The following MEI1 variants were observed in gnomAD, a reference collection of about 807,000 sequenced individuals.
MEI1 encodes the protein meiosis inhibitor protein 1.
In MEI1, 103 loss-of-function variants were observed where a neutral mutation model predicts 146.2. The ratio of observed to expected loss-of-function variants is 0.70; its 90% CI spans 0.60 to 0.83. MEI1 has a LOEUF of 0.83. Ranked by LOEUF, MEI1 falls within the 40% of genes least tolerant of loss-of-function variation. The pLI, the probability that MEI1 is intolerant of heterozygous loss-of-function variation, is 0.00. For synonymous variants in MEI1, 652 were observed against 628.2 expected (o/e 1.04, Z -0.57); for missense variants, 1,529 against 1,533.0 (o/e 1.00, Z 0.04).
chr22:41,702,908 T>C (rs1260705931), intron 1 of MEI1, among the ~76,000 whole-genome samples: 1 of 151,790 alleles, frequency 6.6e-6, no homozygotes, highest in Non-Finnish European at 1.5e-5. Context: ...TTAGTTGAGA[T>C]AGAGTTGCAC....
intron 26 of MEI1, among the ~76,000 whole-genome samples, chr22:41,787,870 C>T (rs1014911823): frequency 6.6e-6 from 1 of 152,158 alleles, no homozygotes; most frequent in African/African-American, 2.4e-5. Flanking sequence ...CATCTAATAC[C>T]AAAATGACCT....
Position 41,763,250 on chromosome 22 carries a change from C to A in MEI1, c.2197C>A (p.Pro733Thr). Reference sequence around the variant, plus strand: ...GCTGCAGGACCAGGGCGAGCGCCCCCCACTGGTGGTCTTCAAAGCCTCCAT... The same window carrying A: ...GCTGCAGGACCAGGGCGAGCGCCCCACACTGGTGGTCTTCAAAGCCTCCAT... ...LSLQDQGERP[P>T]LVVFKASIYL... The change falls in exon 19 of 31, where the codon CCA (proline) becomes ACA (threonine). Residue 733 changes from proline to threonine, a missense_variant. By Grantham distance (38) the Pro-to-Thr change is conservative. Transcript: ENST00000401548. The A allele has an allele frequency of 5.0e-6, 8 of 1,613,926 alleles. No individual in the cohort carries two copies. Among genetic ancestry groups the A allele is most frequent in the Non-Finnish European group, 6.8e-6 (8 of 1,179,836 alleles).
chr22:41,743,661 G>T (rs76198486), intron 12 of MEI1, among the ~76,000 whole-genome samples: 2 of 152,212 alleles, frequency 1.3e-5, no homozygotes, highest in African/African-American at 4.8e-5. Flanking sequence ...GACACTGTCA[G>T]TGTGAATGTT....
At chr22:41,777,555 T>G (rs1315582293) in intron 21 of MEI1, among the ~76,000 whole-genome samples, 1 of 151,942 alleles carries the variant, frequency 6.6e-6, no homozygotes, top group East Asian at 1.9e-4. Context: ...AGGAGATGAG[T>G]TATTTCTTTT....
chr22:41,775,899 T>C, intron 20 of MEI1: 1 of 512,820 alleles, frequency 1.9e-6, no homozygotes, highest in South Asian at 2.2e-5. Flanking sequence ...CGGCCTAGGA[T>C]GGACCTATTC....
chr22:41,758,440 TC>T lies in MEI1; in HGVS notation c.2029del (p.Leu677CysfsTer90). ...AGCAGGAGCCCTGAAAGCCTTGCCT[TC>T]CTGTCTGATCGCCAGTACATGGAGG... ...ISSRSPESLA[F>X]LSDRQYMEGA... On this transcript the variant is annotated frameshift_variant, in exon 18 of 31. Transcript: ENST00000401548. LOFTEE classifies it high-confidence loss of function. 1 of 1,613,950 alleles carries T rather than the reference TC, an allele frequency of 6.2e-7. No homozygotes were observed. Among genetic ancestry groups the T allele is most frequent in the Non-Finnish European group, 8.5e-7 (1 of 1,179,868 alleles).
In MEI1 at chr22:41,773,050, C is replaced by T. The variant is rs547127468; in HGVS notation, c.2544+2089C>T. ...TAAATATTAAAAGAAGCAAACCAAA[C>T]AGAAATTGAATCTCAGGAGACCAAA... On this transcript the variant is annotated intron_variant, in intron 20 of 30. Coordinates refer to ENST00000401548, the MANE Select transcript of MEI1 (RefSeq NM_152513.4). 1.7e-3 allele frequency among the ~76,000 whole-genome samples: 258 copies of T among 152,326 alleles called. 4 individuals are homozygous for T. In the South Asian group the frequency reaches 0.052, roughly 31 times the overall value.
chr22:41,732,196 G>A, intron 9 of MEI1, 49 bp from the exon 10 acceptor site: 1 of 1,461,236 alleles, frequency 6.8e-7, no homozygotes, highest in Non-Finnish European at 9.4e-7. Context: ...GGCAGTGAAG[G>A]AACAAGAGAG....
At chr22:41,743,970 G>A (rs575582360) in intron 12 of MEI1, among the ~76,000 whole-genome samples, 32 of 152,044 alleles carry the variant, frequency 2.1e-4, no homozygotes, top group South Asian at 2.1e-3. Flanking sequence ...TCCGCCTCCC[G>A]GGTTCCAGTG....
In MEI1 at chr22:41,788,955, A is replaced by G. The variant is rs186586315; in HGVS notation, c.3345+4172A>G. On this transcript the variant is annotated intron_variant, in intron 26 of 30. Transcript: ENST00000401548. Reference sequence around the variant, plus strand: ...GAGCTTAAGTGATCCTCCCATCTCAACCTCCTGAATAGCTGGGACTACGGG... The same window carrying G: ...GAGCTTAAGTGATCCTCCCATCTCAGCCTCCTGAATAGCTGGGACTACGGG... Among the ~76,000 whole-genome samples, 575 of 150,858 alleles carry G rather than the reference A, an allele frequency of 3.8e-3. 6 individuals are homozygous for G. Among genetic ancestry groups the G allele is most frequent in the African/African-American group, 0.013 (547 of 41,036 alleles).
chr22:41,732,437 C>T (rs1192430732), intron 10 of MEI1, 32 bp from the exon 11 acceptor site: 2 of 1,613,544 alleles, frequency 1.2e-6, no homozygotes, highest in South Asian at 1.1e-5. Context: ...GAGAAGAGTT[C>T]ACCTACTCGT....
chr22:41,716,233 C>A, intron 5 of MEI1, 87 bp downstream of exon 5: 1 of 872,658 alleles, frequency 1.1e-6, no homozygotes, highest in Non-Finnish European at 1.8e-6. Flanking sequence ...CTCTGTACAC[C>A]TGGGAAGTCA....
At chr22:41,723,844 G>A in intron 6 of MEI1, 99 bp from the exon 7 acceptor site, 1 of 1,371,452 alleles carries the variant, frequency 7.3e-7, no homozygotes, top group Non-Finnish European at 9.9e-7. Context: ...TTTGTAGAGG[G>A]ATGAAGAAGT....
chr22:41,709,367 GC>G, intron 3 of MEI1: 1 of 730,140 alleles, frequency 1.4e-6, no homozygotes, highest in Non-Finnish European at 2.5e-6. Flanking sequence ...GCCTTTTTAG[GC>G]TTGGGCTCTG....
At chr22:41,773,193 G>A (rs765267135) in intron 20 of MEI1, among the ~76,000 whole-genome samples, 2 of 152,176 alleles carry the variant, frequency 1.3e-5, no homozygotes, top group African/African-American at 2.4e-5. Context: ...TGGAGGTGGT[G>A]GAGGTCAGGG....
chr22:41,713,785 T>C (rs111747404), intron 3 of MEI1, among the ~76,000 whole-genome samples: 28 of 152,302 alleles, frequency 1.8e-4, no homozygotes, highest in Admixed American at 3.9e-4. Context: ...TCACCTCAGG[T>C]GATCCGCCTG....
chr22:41,754,202 C>T (rs1409243045), intron 17 of MEI1, among the ~76,000 whole-genome samples, 156 bp downstream of exon 17: 1 of 152,082 alleles, frequency 6.6e-6, no homozygotes, highest in Non-Finnish European at 1.5e-5. Flanking sequence ...TAGGTTGATT[C>T]CTAGGGATAT....
intron 2 of MEI1, among the ~76,000 whole-genome samples, chr22:41,703,750 G>GA (rs2068880492): frequency 1.3e-5 from 2 of 152,286 alleles, no homozygotes; most frequent in South Asian, 4.1e-4. Flanking sequence ...TTGGGAGGCT[G>GA]AAGTGGGTAG....
intron 9 of MEI1, 53 bp from the exon 10 acceptor site, chr22:41,732,192 G>T: frequency 7.0e-7 from 1 of 1,431,498 alleles, no homozygotes; most frequent in Non-Finnish European, 9.6e-7. Flanking sequence ...GGTGGGCAGT[G>T]AAGGAACAAG....
Sources: gnomAD v4.1 joint callset for allele counts (sites outside exome capture counted in the v4.1 genomes callset) on GRCh38, gnomAD v4.1.1 for gene constraint, MANE v1.5 for transcripts, NCBI Gene and HGNC (gene_info 2026-07-23, HGNC 2026-07-21) for gene names.